The following SIPA1L3 variants were observed in gnomAD, a reference collection of about 807,000 sequenced individuals.
The protein encoded by SIPA1L3 is signal induced proliferation associated 1 like 3.
A neutral mutation model predicts 150.1 loss-of-function variants in SIPA1L3; 59 were observed. The ratio of observed to expected loss-of-function variants is 0.39; its 90% CI spans 0.32 to 0.49. SIPA1L3 has a LOEUF of 0.49. Ranked by LOEUF, SIPA1L3 falls within the 20% of genes least tolerant of loss-of-function variation. The probability of loss-of-function intolerance (pLI) is 0.86; values close to 1 mark genes in which losing one functional copy is unlikely to be tolerated. For missense variants in SIPA1L3, 2,211 were observed against 2,489.5 expected, an observed-to-expected ratio of 0.89 and a Z score of 2.38; for synonymous variants, 1,070 against 1,077.6, an observed-to-expected ratio of 0.99 and a Z score of 0.14.
intron 2 of SIPA1L3, among the ~76,000 whole-genome samples, chr19:38,034,353 A>G (rs144982414): frequency 4.6e-5 from 7 of 152,254 alleles, no homozygotes; most frequent in East Asian, 1.9e-4. Context: ...TCTTGTAACT[A>G]CCCTAAGACG....
At chr19:37,927,950 A>G (rs750019552) in intron 1 of SIPA1L3, among the ~76,000 whole-genome samples, 6 of 152,008 alleles carry the variant, frequency 3.9e-5, no homozygotes, top group Non-Finnish European at 7.4e-5. Context: ...TCCGCTGTTG[A>G]TGGGCATCCG....
chr19:37,915,584 CT>C (rs1445508675), intron 1 of SIPA1L3, among the ~76,000 whole-genome samples: 1 of 151,762 alleles, frequency 6.6e-6, no homozygotes, highest in African/African-American at 2.4e-5. Context: ...GTTTCACCAT[CT>C]TGGCCAGGCT....
intron 2 of SIPA1L3, among the ~76,000 whole-genome samples, chr19:38,030,652 G>A (rs2544717): frequency 0.16 from 9,955 of 62,370 alleles, 702 homozygotes; most frequent in South Asian, 0.22. Context: ...ATATATATAT[G>A]GCAAATACTT....
intron 1 of SIPA1L3, among the ~76,000 whole-genome samples, chr19:37,938,326 A>G (rs987412724): frequency 6.6e-6 from 1 of 152,196 alleles, no homozygotes; most frequent in Non-Finnish European, 1.5e-5. Context: ...TCTTTCAGGT[A>G]TGTACTGGAC....
At chr19:38,058,753 G>A (rs1462306628) in intron 2 of SIPA1L3, among the ~76,000 whole-genome samples, 2 of 151,964 alleles carry the variant, frequency 1.3e-5, no homozygotes, top group South Asian at 2.1e-4. Context: ...GGCCAGGTGC[G>A]GTGGCTCACG....
intron 15 of SIPA1L3, among the ~76,000 whole-genome samples, chr19:38,170,793 A>G (rs2145997714): frequency 6.6e-6 from 1 of 152,236 alleles, no homozygotes; most frequent in Non-Finnish European, 1.5e-5. Context: ...GCCTAGGGCC[A>G]GCGATAATGT....
chr19:38,112,447 C>T (rs1036522420), intron 8 of SIPA1L3, among the ~76,000 whole-genome samples: 2 of 152,214 alleles, frequency 1.3e-5, no homozygotes, highest in Non-Finnish European at 2.9e-5. Context: ...GGGGTCATCA[C>T]ATCAGCCTGC....
Position 38,182,685 on chromosome 19 carries a change from T to A in SIPA1L3, c.4375T>A (p.Trp1459Arg), listed in dbSNP as rs1972583317. ...TGTACGCAATAAGCACCCAACAGGG[T>A]GGAAGAGAACGGAGGAGCCCCCACC... is the stretch of plus-strand genomic sequence containing the variant. ...QPVRNKHPTG[W>R]KRTEEPPPRP... is the part of the protein sequence containing the mutation. The change falls in exon 16 of 22, where the codon TGG becomes AGG. Residue 1459 changes from tryptophan (W) to arginine (R), a missense_variant. Physicochemically the swap from Trp to Arg is moderately radical, Grantham distance 101 (BLOSUM62 -3). Transcript: ENST00000222345. 3 of 1,613,832 alleles carry A rather than the reference T, an allele frequency of 1.9e-6. No homozygotes were observed. The highest frequency in any genetic ancestry group is 1.3e-5 in the African/African-American group (1 of 74,886).
chr19:38,095,922 TAA>T (rs1193850068), intron 4 of SIPA1L3, among the ~76,000 whole-genome samples: 2 of 152,146 alleles, frequency 1.3e-5, no homozygotes, highest in African/African-American at 2.4e-5. Flanking sequence ...CAGTAGGATA[TAA>T]AGACACTGAT....
At chr19:37,998,444 C>G (rs915925772) in intron 1 of SIPA1L3, among the ~76,000 whole-genome samples, 2 of 152,042 alleles carry the variant, frequency 1.3e-5, no homozygotes, top group Admixed American at 1.3e-4. Flanking sequence ...AGCTGCAAAC[C>G]GAAACGCATA....
chr19:38,064,903 G>GTCTAGCT (rs1969537528), intron 2 of SIPA1L3, among the ~76,000 whole-genome samples: 1 of 152,206 alleles, frequency 6.6e-6, no homozygotes, highest in South Asian at 2.1e-4. Context: ...ATGGAGCTGG[G>GTCTAGCT]AATTGAACCA....
chr19:37,981,229 T>A (rs1408563663), intron 1 of SIPA1L3, among the ~76,000 whole-genome samples: 5 of 151,930 alleles, frequency 3.3e-5, no homozygotes, highest in Admixed American at 6.6e-5. Flanking sequence ...GACCAGGAGT[T>A]CAAGACCAGC....
At position 38,016,395 on chromosome 19, in the gene SIPA1L3, G is replaced by C. The variant is rs916350457; in HGVS notation, c.-378-12694G>C. Among the ~76,000 whole-genome samples, 93 of 152,160 alleles carry C rather than the reference G, an allele frequency of 6.1e-4. 6 individuals are homozygous for C. Among genetic ancestry groups the C allele is most frequent in the Non-Finnish European group, 3.4e-4 (23 of 68,038 alleles). On this transcript the variant is annotated intron_variant, in intron 1 of 21. Transcript: ENST00000222345. ...TATCCTTACCTGTGCCTGTTTTTCT[G>C]CCATCCACTGGTGGGTAGTGGTCCA... is the stretch of plus-strand genomic sequence containing the variant.
chr19:38,040,953 CGG>C (rs1380778292), intron 2 of SIPA1L3, among the ~76,000 whole-genome samples: 2 of 151,688 alleles, frequency 1.3e-5, no homozygotes, highest in Admixed American at 6.6e-5. Flanking sequence ...TTAGTAGAGA[CGG>C]GGTTTCACCG....
chr19:38,188,589 A>G (rs554335347), intron 16 of SIPA1L3, among the ~76,000 whole-genome samples: 71 of 152,268 alleles, frequency 4.7e-4, no homozygotes, highest in African/African-American at 1.7e-3. Flanking sequence ...AACATGCACA[A>G]GGTAAAAAAT....
intron 9 of SIPA1L3, among the ~76,000 whole-genome samples, chr19:38,122,856 T>C (rs1271236534): frequency 6.6e-6 from 1 of 152,198 alleles, no homozygotes; most frequent in Non-Finnish European, 1.5e-5. Context: ...TTTGGTCACA[T>C]GTCGCCTTGT....
chr19:37,933,837 G>T (rs888968051), intron 1 of SIPA1L3, among the ~76,000 whole-genome samples: 1 of 152,240 alleles, frequency 6.6e-6, no homozygotes, highest in African/African-American at 2.4e-5. Context: ...GAACAGGAAA[G>T]CTTGGCCTAG....
intron 9 of SIPA1L3, among the ~76,000 whole-genome samples, chr19:38,123,266 T>TTTTTG (rs1429416639): frequency 1.8e-5 from 2 of 109,574 alleles, no homozygotes; most frequent in East Asian, 5.9e-4. Flanking sequence ...TTTTTTTTGT[T>TTTTTG]TTTTTTGTTT....
chr19:37,942,784 G>A (rs1161706110), intron 1 of SIPA1L3, among the ~76,000 whole-genome samples: 1 of 152,132 alleles, frequency 6.6e-6, no homozygotes, highest in South Asian at 2.1e-4. Context: ...GCTGGGTGGT[G>A]AGTGGGTTGA....
Sources: allele counts gnomAD v4.1 joint callset (sites outside exome capture counted in the v4.1 genomes callset), GRCh38; gene constraint gnomAD v4.1.1; transcripts MANE v1.5; gene names NCBI Gene and HGNC (gene_info 2026-07-23, HGNC 2026-07-21).